The following TMX3 variants were observed in gnomAD, a reference collection of about 807,000 sequenced individuals.
TMX3 encodes thioredoxin related transmembrane protein 3, also known as protein disulfide-isomerase TMX3.
In TMX3, 40 loss-of-function variants were observed where a neutral mutation model predicts 64.4. The ratio of observed to expected loss-of-function variants is 0.62; its 90% CI spans 0.48 to 0.81. The LOEUF (loss-of-function observed/expected upper bound fraction) is 0.81. Among genes scored for constraint, TMX3 ranks in the 30% least tolerant of loss-of-function variants. TMX3 has a pLI of 0.00. For synonymous variants in TMX3, 189 were observed against 175.7 expected (o/e 1.08, Z -0.60); for missense variants, 497 against 534.5 (o/e 0.93, Z 0.69).
chr18:68,682,891 A>G, intron 13 of TMX3, 34 bp downstream of exon 13: 3 of 1,571,826 alleles, frequency 1.9e-6, no homozygotes, highest in Non-Finnish European at 2.6e-6. Context: ...AAATTAATAG[A>G]TTTGACAGCA....
chr18:68,683,593 C>T (rs1052799456), intron 12 of TMX3, among the ~76,000 whole-genome samples: 3 of 152,108 alleles, frequency 2.0e-5, no homozygotes, highest in Non-Finnish European at 4.4e-5. Flanking sequence ...AGTACATGTG[C>T]ATATTTTATT....
intron 8 of TMX3, among the ~76,000 whole-genome samples, chr18:68,693,200 G>A (rs1260298261): frequency 6.6e-6 from 1 of 152,184 alleles, no homozygotes; most frequent in Non-Finnish European, 1.5e-5. Flanking sequence ...TCATGGCAGT[G>A]GCAGCCCGTC....
At chr18:68,682,805 T>G (rs1179939817) in intron 13 of TMX3, 120 bp downstream of exon 13, 4 of 705,318 alleles carry the variant, frequency 5.7e-6, no homozygotes, top group Non-Finnish European at 8.9e-6. Flanking sequence ...GGAGAATATC[T>G]GCATCTGAAT....
chr18:68,692,954 T>G (rs1316195061), intron 8 of TMX3, among the ~76,000 whole-genome samples: 5 of 152,154 alleles, frequency 3.3e-5, no homozygotes, highest in African/African-American at 1.2e-4. Context: ...CAGCAAACCC[T>G]CTGGTGCACT....
intron 10 of TMX3, chr18:68,686,745 C>T: frequency 1.0e-6 from 1 of 985,006 alleles, no homozygotes; most frequent in Non-Finnish European, 1.2e-6. Context: ...CAGTCTTTGA[C>T]ACTGTCCCCG....
intron 10 of TMX3, among the ~76,000 whole-genome samples, chr18:68,686,001 A>G (rs984899133): frequency 6.6e-6 from 1 of 152,188 alleles, no homozygotes; most frequent in Non-Finnish European, 1.5e-5. Context: ...AATAATAGTA[A>G]TAACAATAAA....
chr18:68,707,547 A>C (rs745784210), intron 4 of TMX3, among the ~76,000 whole-genome samples: 1 of 152,210 alleles, frequency 6.6e-6, no homozygotes, highest in Non-Finnish European at 1.5e-5. Context: ...ATTATCAATG[A>C]AGTATTACAT....
intron 9 of TMX3, chr18:68,689,769 A>G (rs955933789): frequency 6.6e-6 from 1 of 152,198 alleles, no homozygotes; most frequent in Non-Finnish European, 1.5e-5. Context: ...TAAACATCCA[A>G]TTAATGGATG....
chr18:68,679,390 G>T, intron 15 of TMX3, 73 bp downstream of exon 15: 3 of 1,282,898 alleles, frequency 2.3e-6, no homozygotes, highest in Non-Finnish European at 3.2e-6. Context: ...TTCAAATTCA[G>T]ATTTTTAACA....
At chr18:68,706,858 TACTTA>T (rs749658562) in intron 4 of TMX3, among the ~76,000 whole-genome samples, 9 of 152,234 alleles carry the variant, frequency 5.9e-5, no homozygotes, top group Non-Finnish European at 7.3e-5. Flanking sequence ...TGGTTTTGAA[TACTTA>T]ACTTCTTTAA....
At chr18:68,684,274 T>C in intron 11 of TMX3, 31 bp from the exon 12 acceptor site, 1 of 1,578,918 alleles carries the variant, frequency 6.3e-7, no homozygotes. Flanking sequence ...GAATAGTTCA[T>C]CTCTGCACTT....
chr18:68,694,991 C>T (rs901249453), intron 8 of TMX3, among the ~76,000 whole-genome samples: 1 of 151,974 alleles, frequency 6.6e-6, no homozygotes, highest in Non-Finnish European at 1.5e-5. Flanking sequence ...AAGAAAAGCT[C>T]CCTTCATTTC....
At chr18:68,686,965 C>T (rs1382208893) in intron 10 of TMX3, 33 of 982,968 alleles carry the variant, frequency 3.4e-5, no homozygotes, top group Middle Eastern at 5.2e-4. Flanking sequence ...AACCCTATGC[C>T]TATTACTTAC....
intron 8 of TMX3, among the ~76,000 whole-genome samples, chr18:68,694,027 A>C (rs1418248204): frequency 6.6e-6 from 1 of 152,110 alleles, no homozygotes; most frequent in Non-Finnish European, 1.5e-5. Flanking sequence ...CCTAAGAGCT[A>C]TTCTGTTGCT....
At position 68,697,107 on chromosome 18, in the gene TMX3, TA is replaced by T. The variant is rs1006198243; in HGVS notation, c.570+118del. On this transcript the variant is annotated intron_variant, in intron 8 of 15. Coordinates refer to ENST00000299608, the MANE Select transcript of TMX3 (RefSeq NM_019022.5). ...CTTTTTCCAAACATATCACAGTAAA[TA>T]AATCTGATATTAAAATCAATAATTT... is the stretch of plus-strand genomic sequence containing the variant. 9.9e-6 allele frequency: 6 copies of T among 607,176 alleles called. No individual in the cohort carries two copies. The Admixed American group carries it at 2.0e-4, about 20-fold the overall frequency. The allele number at this position is 607,176 out of a possible 1,614,324, so 37.6% of individuals were successfully genotyped here.
Position 68,673,689 on chromosome 18 carries a change from T to C in TMX3, c.*3244A>G, listed in dbSNP as rs1343298204. 6.6e-6 allele frequency: 1 copy of C among 152,152 alleles called. No individual in the cohort carries two copies. The highest frequency in any genetic ancestry group is 1.5e-5 in the Non-Finnish European group (1 of 68,026). The allele number at this position is 152,152 out of a possible 1,614,324, so 9.4% of individuals were successfully genotyped here. ...ATACACAGTAAAAATAAGAAACAAT[T>C]GCAGGTTTTCAATTACTTTATTTTA... is the stretch of plus-strand genomic sequence containing the variant. On this transcript the variant is annotated 3_prime_UTR_variant, in exon 16 of 16. Coordinates refer to ENST00000299608, the MANE Select transcript of TMX3 (RefSeq NM_019022.5).
At chr18:68,704,212 C>T (rs1310183163) in intron 4 of TMX3, among the ~76,000 whole-genome samples, 2 of 152,108 alleles carry the variant, frequency 1.3e-5, no homozygotes, top group Non-Finnish European at 2.9e-5. Flanking sequence ...ATCCTGACTT[C>T]ATTAATTAGC....
chr18:68,680,579 T>C (rs1054576526), intron 14 of TMX3, among the ~76,000 whole-genome samples: 2 of 152,158 alleles, frequency 1.3e-5, no homozygotes, highest in African/African-American at 4.8e-5. Context: ...AAACCAATCC[T>C]AACGACTTAA....
In TMX3 at chr18:68,673,698, T is replaced by C. The variant is rs929102838; in HGVS notation, c.*3235A>G. On this transcript the variant is annotated 3_prime_UTR_variant, in exon 16 of 16. Coordinates refer to ENST00000299608, the MANE Select transcript of TMX3 (RefSeq NM_019022.5). ...AAAAATAAGAAACAATTGCAGGTTT[T>C]CAATTACTTTATTTTAGAAAAACAA... The C allele has an allele frequency of 2.1e-4, 32 of 152,282 alleles. No individual in the cohort carries two copies. Among genetic ancestry groups the C allele is most frequent in the African/African-American group, 7.7e-4 (32 of 41,550 alleles). 9.4% of individuals were successfully genotyped at this position (152,282 alleles called of 1,614,324 possible). A position where few individuals can be genotyped will look rare whatever the true frequency, so the allele number is the denominator to read the frequency against.
Sources: allele counts gnomAD v4.1 joint callset (sites outside exome capture counted in the v4.1 genomes callset), GRCh38; gene constraint gnomAD v4.1.1; transcripts MANE v1.5; gene names NCBI Gene and HGNC (gene_info 2026-07-23, HGNC 2026-07-21).